The following MACO1 variants were observed in gnomAD, a reference collection of about 807,000 sequenced individuals.
MACO1 encodes macoilin 1, also known as macoilin.
In MACO1, 14 loss-of-function variants were observed where a neutral mutation model predicts 78.7. The observed-to-expected ratio is 0.18, with a 90% CI of 0.12 to 0.28. The LOEUF (loss-of-function observed/expected upper bound fraction) is 0.28, where lower values mean the gene tolerates loss of function less well. MACO1 is among the 10% of genes least tolerant of loss of function. The pLI is 1.00. For synonymous variants in MACO1, 288 were observed against 291.6 expected, an observed-to-expected ratio of 0.99 and a Z score of 0.12; for missense variants, 501 against 799.0, an observed-to-expected ratio of 0.63 and a Z score of 4.50.
chr1:25,472,442 C>T (rs2043282057), intron 6 of MACO1, among the ~76,000 whole-genome samples: 1 of 151,658 alleles, frequency 6.6e-6, no homozygotes. Context: ...TCATCTCCCA[C>T]TTATGAGTGA....
At chr1:25,455,336 T>C (rs932068987) in intron 4 of MACO1, among the ~76,000 whole-genome samples, 2 of 152,210 alleles carry the variant, frequency 1.3e-5, no homozygotes, top group African/African-American at 4.8e-5. Flanking sequence ...TTGTGGAACT[T>C]ACCACCTAAT....
chr1:25,449,934 G>A (rs1375533535), intron 3 of MACO1, among the ~76,000 whole-genome samples: 2 of 152,170 alleles, frequency 1.3e-5, no homozygotes, highest in African/African-American at 2.4e-5. Flanking sequence ...CAAGAGAATC[G>A]CTTGAACCCG....
At chr1:25,496,452 T>C (rs2043538047) in intron 10 of MACO1, among the ~76,000 whole-genome samples, 1 of 152,142 alleles carries the variant, frequency 6.6e-6, no homozygotes, top group South Asian at 2.1e-4. Flanking sequence ...CTGGCCAGCA[T>C]TTAAGTTTCT....
chr1:25,457,481 A>G (rs1260147910), intron 5 of MACO1, among the ~76,000 whole-genome samples: 1 of 152,116 alleles, frequency 6.6e-6, no homozygotes, highest in Non-Finnish European at 1.5e-5. Flanking sequence ...CTGGTAATTG[A>G]AGCAAGCCAA....
At chr1:25,470,739 T>C (rs1238592896) in intron 6 of MACO1, among the ~76,000 whole-genome samples, 1 of 151,966 alleles carries the variant, frequency 6.6e-6, no homozygotes, top group Non-Finnish European at 1.5e-5. Context: ...TGGAAAAATA[T>C]GGGTAGGGGC....
At chr1:25,440,255 C>G (rs2042958335) in intron 1 of MACO1, among the ~76,000 whole-genome samples, 1 of 145,530 alleles carries the variant, frequency 6.9e-6, no homozygotes. Context: ...AAAAATTAGC[C>G]AAGCATGGTG....
rs1022460041 is a variant in MACO1, at chr1:25,458,310, T to G, written c.653-81T>G. On this transcript the variant is annotated intron_variant, in intron 5 of 10. Transcript: ENST00000374343. ...AATTTCTTAAGTGTAGATAATAGTTTGTTGAATTAATCTGTGTTGTTAAAC... is the reference window on the plus strand; with the variant it reads ...AATTTCTTAAGTGTAGATAATAGTTGGTTGAATTAATCTGTGTTGTTAAAC... 21 of 1,499,338 alleles carry G rather than the reference T, an allele frequency of 1.4e-5. No homozygotes were observed. In the African/African-American group the frequency reaches 2.8e-4, roughly 20 times the overall value. The allele number at this position is 1,499,338 out of a possible 1,614,324, so 92.9% of individuals were successfully genotyped here. A position where few individuals can be genotyped will look rare whatever the true frequency, so the allele number is the denominator to read the frequency against.
At chr1:25,481,646 A>T (rs2043379914) in intron 6 of MACO1, among the ~76,000 whole-genome samples, 1 of 152,216 alleles carries the variant, frequency 6.6e-6, no homozygotes, top group Admixed American at 6.5e-5. Flanking sequence ...CTCTTTCGGA[A>T]TATATTCTTT....
Position 25,454,263 on chromosome 1 carries a change from G to A in MACO1, c.354G>A (p.Arg118=). 6.3e-7 allele frequency: 1 copy of A among 1,587,464 alleles called. No individual in the cohort carries two copies. Among genetic ancestry groups the A allele is most frequent in the Non-Finnish European group, 8.6e-7 (1 of 1,166,898 alleles). The change falls in exon 4 of 11, where the codon AGG becomes AGA. Residue 118 remains arginine, a synonymous_variant. Transcript: ENST00000374343. The part of the protein sequence containing the change: ...VWVQYVWHTE[R]GVCLPTVSLW... ...CTCTCTGCTGCTTTCTCACAGAAAG[G>A]GGAGTGTGTTTGCCTACAGTGTCTC...
chr1:25,460,410 T>G (rs186016625), intron 6 of MACO1, among the ~76,000 whole-genome samples: 257 of 152,036 alleles, frequency 1.7e-3, no homozygotes, highest in African/African-American at 6.0e-3. Context: ...ACACATGTTT[T>G]TTTTTTTTTT....
chr1:25,448,400 G>C (rs571878101), intron 2 of MACO1, among the ~76,000 whole-genome samples: 6 of 152,180 alleles, frequency 3.9e-5, no homozygotes, highest in Non-Finnish European at 7.4e-5. Context: ...GGAGGTGGAG[G>C]TTGCAGTGAG....
chr1:25,456,569 T>C, intron 4 of MACO1, 84 bp from the exon 5 acceptor site: 1 of 1,378,288 alleles, frequency 7.3e-7, no homozygotes, highest in Non-Finnish European at 1.0e-6. Context: ...TTTTAATTTT[T>C]AAGCCATAGG....
At chr1:25,491,940 G>T (rs2043489838) in intron 10 of MACO1, among the ~76,000 whole-genome samples, 1 of 152,190 alleles carries the variant, frequency 6.6e-6, no homozygotes, top group Non-Finnish European at 1.5e-5. Context: ...AAACTAGTCT[G>T]GGGAATTGGA....
chr1:25,458,079 C>G (rs1393288571), intron 5 of MACO1, among the ~76,000 whole-genome samples: 1 of 152,178 alleles, frequency 6.6e-6, no homozygotes, highest in Non-Finnish European at 1.5e-5. Context: ...TTGACTAATA[C>G]ACAAAGTGTG....
At position 25,454,371 on chromosome 1, in the gene MACO1, T is replaced by G. The variant is rs2043095970; in HGVS notation, c.462T>G (p.Phe154Leu). 1 of 1,608,270 alleles carries G rather than the reference T, an allele frequency of 6.2e-7. No individual in the cohort carries two copies. Among genetic ancestry groups the G allele is most frequent in the African/African-American group, 1.3e-5 (1 of 74,614 alleles). Residue 154 changes from phenylalanine to leucine, a missense_variant, in exon 4 of 11, where the codon TTT becomes TTG. By Grantham distance (22) the Phe-to-Leu change is conservative. Coordinates refer to ENST00000374343, the MANE Select transcript of MACO1 (RefSeq NM_018202.6). ...KNFHVDLCRP[F>L]AAHCIGYPVV... The stretch of plus-strand genomic sequence containing the variant: ...TTCATGTAGACCTTTGTCGTCCATT[T>G]GCTGCTCACTGGTAAGTATTACATA...
intron 1 of MACO1, among the ~76,000 whole-genome samples, chr1:25,433,720 C>A (rs966771887): frequency 6.6e-6 from 1 of 152,212 alleles, no homozygotes; most frequent in African/African-American, 2.4e-5. Context: ...CTGCTTTAGG[C>A]AGACAGGGCA....
At chr1:25,448,656 G>A in intron 2 of MACO1, 152 bp from the exon 3 acceptor site, 1 of 579,264 alleles carries the variant, frequency 1.7e-6, no homozygotes, top group Non-Finnish European at 2.6e-6. Flanking sequence ...GATTTTAAAT[G>A]TTTAAAATTT....
At chr1:25,497,295 G>A (rs2043546054) in intron 10 of MACO1, among the ~76,000 whole-genome samples, 1 of 151,364 alleles carries the variant, frequency 6.6e-6, no homozygotes, top group South Asian at 2.1e-4. Context: ...CGGGAGAATC[G>A]CTTGAACCCG....
intron 10 of MACO1, 119 bp from the exon 11 acceptor site, chr1:25,498,145 T>C (rs2043554049): frequency 3.1e-6 from 3 of 982,564 alleles, no homozygotes; most frequent in African/African-American, 1.6e-5. Context: ...CCTGCTCTTA[T>C]AAATCACTGA....
Sources: gnomAD v4.1 joint callset for allele counts (sites outside exome capture counted in the v4.1 genomes callset) on GRCh38, gnomAD v4.1.1 for gene constraint, MANE v1.5 for transcripts, NCBI Gene and HGNC (gene_info 2026-07-23, HGNC 2026-07-21) for gene names.